Variants in CLSTN1 observed in about 807,000 individuals in gnomAD.
CLSTN1 encodes the protein calsyntenin-1.
A neutral mutation model predicts 108.3 loss-of-function variants in CLSTN1; 28 were observed. The observed-to-expected ratio is 0.26, with a 90% CI of 0.19 to 0.35. The LOEUF (loss-of-function observed/expected upper bound fraction) is 0.35, where lower values mean the gene tolerates loss of function less well. Among genes scored for constraint, CLSTN1 ranks in the 10% least tolerant of loss-of-function variants. The pLI, the probability that CLSTN1 is intolerant of heterozygous loss-of-function variation, is 1.00. For synonymous variants in CLSTN1, 524 were observed against 534.9 expected (o/e 0.98, Z 0.28); for missense variants, 1,157 against 1,302.6 (o/e 0.89, Z 1.72).
At chr1:9,744,115 T>G in intron 8 of CLSTN1, 110 bp from the exon 9 acceptor site, 3 of 1,448,430 alleles carry the variant, frequency 2.1e-6, no homozygotes, top group Non-Finnish European at 2.8e-6. Flanking sequence ...ATAAATGAAC[T>G]CTTCGGCTAA....
intron 1 of CLSTN1, among the ~76,000 whole-genome samples, chr1:9,801,740 G>C (rs540074653): frequency 6.6e-6 from 1 of 152,084 alleles, no homozygotes; most frequent in Non-Finnish European, 1.5e-5. Flanking sequence ...GTTTTTAGTA[G>C]AGATGCGGTT....
chr1:9,754,965 GT>G (rs138835664), intron 4 of CLSTN1, 148 bp downstream of exon 4: 13,698 of 608,578 alleles, frequency 0.023, 238 homozygotes, highest in Middle Eastern at 0.038. Flanking sequence ...CCCTCCAAGT[GT>G]TTACAATCTA....
intron 2 of CLSTN1, among the ~76,000 whole-genome samples, chr1:9,766,778 A>AAACACTTGAC (rs1652356918): frequency 6.6e-6 from 1 of 152,230 alleles, no homozygotes; most frequent in Non-Finnish European, 1.5e-5. Context: ...AAATTTCCTA[A>AAACACTTGAC]AACACTTGAC....
intron 4 of CLSTN1, among the ~76,000 whole-genome samples, chr1:9,752,155 C>T (rs1191229453): frequency 2.0e-5 from 3 of 152,084 alleles, no homozygotes; most frequent in Non-Finnish European, 2.9e-5. Context: ...AGAGTTCAAA[C>T]GAATTCTGTC....
intron 1 of CLSTN1, among the ~76,000 whole-genome samples, chr1:9,811,750 A>C (rs1400298495): frequency 6.7e-6 from 1 of 149,552 alleles, no homozygotes; most frequent in Non-Finnish European, 1.5e-5. Flanking sequence ...AAAAAAAAAG[A>C]GTAGGGATTA....
At chr1:9,793,241 G>A (rs1354384753) in intron 1 of CLSTN1, among the ~76,000 whole-genome samples, 3 of 151,396 alleles carry the variant, frequency 2.0e-5, no homozygotes, top group African/African-American at 7.2e-5. Flanking sequence ...TCGAACTCCT[G>A]ACGTCAGGTG....
chr1:9,777,994 A>G (rs552478478), intron 1 of CLSTN1, among the ~76,000 whole-genome samples: 1 of 152,086 alleles, frequency 6.6e-6, no homozygotes, highest in East Asian at 1.9e-4. Flanking sequence ...AGGGGAGGGC[A>G]CTGGAGCCCA....
At chr1:9,759,354 C>A (rs1651960102) in intron 2 of CLSTN1, among the ~76,000 whole-genome samples, 1 of 152,110 alleles carries the variant, frequency 6.6e-6, no homozygotes, top group African/African-American at 2.4e-5. Context: ...TGGCTCACTG[C>A]AAGCTCCACC....
chr1:9,756,792 T>C (rs896366002), intron 2 of CLSTN1, among the ~76,000 whole-genome samples: 3 of 152,086 alleles, frequency 2.0e-5, no homozygotes, highest in African/African-American at 7.2e-5. Flanking sequence ...GGATTTTTCT[T>C]TTTTTTGAGA....
At chr1:9,758,980 T>C (rs751104848) in intron 2 of CLSTN1, among the ~76,000 whole-genome samples, 1 of 152,104 alleles carries the variant, frequency 6.6e-6, no homozygotes, top group Non-Finnish European at 1.5e-5. Context: ...AAATTCAAGC[T>C]AAAAATCAAA....
rs1461028123 is a variant in CLSTN1, at chr1:9,737,648, T to C, written c.1520-94A>G. ...AAACCAGGTTTGAAGCAACCAACTA[T>C]AAAACATGAAGAGAAAATTCCCTCG... On this transcript the variant is annotated intron_variant, in intron 10 of 18. Transcript: ENST00000377298. 11 of 1,082,330 alleles carry C rather than the reference T, an allele frequency of 1.0e-5. No homozygotes were observed. The African/African-American group carries it at 1.4e-4, about 14-fold the overall frequency. The allele number at this position is 1,082,330 out of a possible 1,614,324, so 67.0% of individuals were successfully genotyped here.
At position 9,773,123 on chromosome 1, in the gene CLSTN1, G is replaced by GA. The variant is rs1017968621; in HGVS notation, c.214+148dup. 4,171 of 1,021,960 alleles carry GA rather than the reference G, an allele frequency of 4.1e-3. 1 individual carries two copies. The highest frequency in any genetic ancestry group is 4.6e-3 in the Non-Finnish European group (3,260 of 713,166). 63.3% of individuals were successfully genotyped at this position (1,021,960 alleles called of 1,614,324 possible). On this transcript the variant is annotated intron_variant, in intron 2 of 18. Transcript: ENST00000377298. ...TGTCAGCTACCCCAACTATTAAAAGGAAAAAAAAACATGCTACAAAGGACG... is the reference window on the plus strand; with the variant it reads ...TGTCAGCTACCCCAACTATTAAAAGGAAAAAAAAAACATGCTACAAAGGACG...
intron 5 of CLSTN1, among the ~76,000 whole-genome samples, chr1:9,750,619 G>A (rs1400690198): frequency 6.6e-6 from 1 of 151,068 alleles, no homozygotes; most frequent in Non-Finnish European, 1.5e-5. Flanking sequence ...GGCTGTGGCG[G>A]GAGGATCCCG....
At chr1:9,754,670 A>G (rs1651725870) in intron 4 of CLSTN1, among the ~76,000 whole-genome samples, 1 of 152,214 alleles carries the variant, frequency 6.6e-6, no homozygotes, top group Non-Finnish European at 1.5e-5. Flanking sequence ...AGCCTGACCA[A>G]CATGGAGAAT....
At chr1:9,799,700 T>TA (rs980558566) in intron 1 of CLSTN1, among the ~76,000 whole-genome samples, 1 of 151,378 alleles carries the variant, frequency 6.6e-6, no homozygotes, top group Non-Finnish European at 1.5e-5. Flanking sequence ...CCCATCACTT[T>TA]GAGAGGCCGA....
intron 16 of CLSTN1, 149 bp downstream of exon 16, chr1:9,733,252 C>T (rs1650501899): frequency 2.2e-6 from 2 of 922,892 alleles, no homozygotes; most frequent in African/African-American, 1.7e-5. Flanking sequence ...GCAGCAGGCC[C>T]CAGGCTGGAA....
intron 11 of CLSTN1, among the ~76,000 whole-genome samples, chr1:9,736,455 G>A (rs763417020): frequency 7.2e-5 from 11 of 152,146 alleles, no homozygotes; most frequent in Non-Finnish European, 1.3e-4. Context: ...ACGCCCTGGG[G>A]AATGAACCCA....
At chr1:9,752,079 G>C (rs576993655) in intron 4 of CLSTN1, among the ~76,000 whole-genome samples, 1 of 151,090 alleles carries the variant, frequency 6.6e-6, no homozygotes, top group African/African-American at 2.4e-5. Flanking sequence ...GCAAAATCCA[G>C]AAAAAAAATA....
chr1:9,745,964 C>T (rs568367817), intron 7 of CLSTN1, among the ~76,000 whole-genome samples: 1 of 151,724 alleles, frequency 6.6e-6, no homozygotes, highest in Non-Finnish European at 1.5e-5. Context: ...GACGGGGTTT[C>T]GCCATGTTGT....
Sources: allele counts gnomAD v4.1 joint callset (sites outside exome capture counted in the v4.1 genomes callset), GRCh38; gene constraint gnomAD v4.1.1; transcripts MANE v1.5; gene names NCBI Gene and HGNC (gene_info 2026-07-23, HGNC 2026-07-21).